XIRP2: variants seen among roughly 807,000 people sequenced by gnomAD.
The protein encoded by XIRP2 is xin actin-binding repeat-containing protein 2.
In XIRP2, 236 loss-of-function variants were observed where a neutral mutation model predicts 277.0. The ratio of observed to expected loss-of-function variants is 0.85; its 90% CI spans 0.77 to 0.95. XIRP2 has a LOEUF of 0.95. Ranked by LOEUF, XIRP2 falls within the 40% of genes least tolerant of loss-of-function variation. The pLI, the probability that XIRP2 is intolerant of heterozygous loss-of-function variation, is 0.00. For synonymous variants in XIRP2, 1,490 were observed against 1,416.5 expected (o/e 1.05, Z -1.17); for missense variants, 4,640 against 4,157.5 (o/e 1.12, Z -3.19).
intron 2 of XIRP2, among the ~76,000 whole-genome samples, chr2:167,012,797 G>C (rs1429224860): frequency 6.6e-6 from 1 of 151,380 alleles, no homozygotes; most frequent in Non-Finnish European, 1.5e-5. Flanking sequence ...CCTATGTTTT[G>C]AAATCTAACT....
chr2:167,032,384 C>T (rs538240549), intron 2 of XIRP2, among the ~76,000 whole-genome samples: 94 of 152,144 alleles, frequency 6.2e-4, no homozygotes, highest in Non-Finnish European at 7.4e-4. Context: ...AGGACATAAG[C>T]GTGGGCAAAG....
At chr2:166,951,438 A>G (rs953940163) in intron 2 of XIRP2, among the ~76,000 whole-genome samples, 1 of 151,718 alleles carries the variant, frequency 6.6e-6, no homozygotes, top group Non-Finnish European at 1.5e-5. Flanking sequence ...AGGGGAGAGG[A>G]GGTTCCACAC....
In XIRP2 at chr2:167,246,216, A is replaced by G. The variant is rs1326208738; in HGVS notation, c.4824A>G (p.Ile1608Met). 6.2e-7 allele frequency: 1 copy of G among 1,613,254 alleles called. No individual in the cohort carries two copies. The highest frequency in any genetic ancestry group is 1.1e-5 in the South Asian group (1 of 90,942). ...TTATCAGGGCTGATCTCAGAAATAT[A>G]ATGGTGAACCTACTTTCCAAAAGGG... Reference protein sequence around the residue: ...EEIIRADLRNIMVNLLSKRDC... With the variant: ...EEIIRADLRNMMVNLLSKRDC... Residue 1608 changes from isoleucine (I) to methionine (M), a missense_variant, in exon 9 of 11, where the codon ATA becomes ATG. By Grantham distance (10) the Ile-to-Met change is conservative (BLOSUM62 1). Transcript: ENST00000409195.
intron 2 of XIRP2, among the ~76,000 whole-genome samples, chr2:167,065,737 A>C (rs1319235080): frequency 6.6e-6 from 1 of 151,868 alleles, no homozygotes; most frequent in Non-Finnish European, 1.5e-5. Flanking sequence ...CTTCTGCCTA[A>C]AGAACTTTCT....
chr2:166,944,547 G>C (rs1685801987), intron 2 of XIRP2, among the ~76,000 whole-genome samples: 1 of 152,192 alleles, frequency 6.6e-6, no homozygotes, highest in Non-Finnish European at 1.5e-5. Context: ...GCAGATGAGA[G>C]CCCAAGAGGT....
At chr2:167,167,238 G>T (rs1050974327) in intron 3 of XIRP2, among the ~76,000 whole-genome samples, 1 of 151,810 alleles carries the variant, frequency 6.6e-6, no homozygotes, top group African/African-American at 2.4e-5. Flanking sequence ...TTTAAAGTGG[G>T]TTTCTTGTAG....
At chr2:167,191,935 C>T (rs1322359323) in intron 3 of XIRP2, among the ~76,000 whole-genome samples, 1 of 151,970 alleles carries the variant, frequency 6.6e-6, no homozygotes, top group East Asian at 1.9e-4. Context: ...GGAAGTTTCT[C>T]TGTTATTCAA....
intron 2 of XIRP2, among the ~76,000 whole-genome samples, chr2:167,034,785 T>C (rs1448674114): frequency 6.6e-6 from 1 of 152,290 alleles, no homozygotes; most frequent in Admixed American, 6.5e-5. Flanking sequence ...CCAGATAATA[T>C]AGCAAATATT....
intron 1 of XIRP2, among the ~76,000 whole-genome samples, chr2:166,890,284 T>C (rs896577393): frequency 1.3e-5 from 2 of 152,068 alleles, no homozygotes; most frequent in Admixed American, 1.3e-4. Flanking sequence ...TGAGCCACCG[T>C]GCCTGGCCCC....
intron 2 of XIRP2, among the ~76,000 whole-genome samples, chr2:167,120,043 A>T (rs1691010462): frequency 6.6e-6 from 1 of 152,080 alleles, no homozygotes; most frequent in South Asian, 2.1e-4. Context: ...ATAGAGCGCT[A>T]GTACTTCCAC....
chr2:167,241,303 G>T (rs1368622025), intron 7 of XIRP2, among the ~76,000 whole-genome samples: 1 of 151,120 alleles, frequency 6.6e-6, no homozygotes, highest in East Asian at 1.9e-4. Context: ...TCTTTATTTT[G>T]ATTTTGTTGC....
chr2:166,915,325 AAAAG>A (rs1202944108), intron 2 of XIRP2, among the ~76,000 whole-genome samples: 2 of 151,388 alleles, frequency 1.3e-5, no homozygotes, highest in Admixed American at 6.6e-5. Flanking sequence ...AAAAAAAAGA[AAAAG>A]AAATATTATA....
chr2:166,896,694 T>G (rs1308998217), intron 1 of XIRP2, among the ~76,000 whole-genome samples: 1 of 152,096 alleles, frequency 6.6e-6, no homozygotes, highest in African/African-American at 2.4e-5. Flanking sequence ...TTTTATAAAT[T>G]TAATGTCACC....
intron 2 of XIRP2, among the ~76,000 whole-genome samples, chr2:167,051,886 T>A (rs997359213): frequency 6.6e-6 from 1 of 152,142 alleles, no homozygotes; most frequent in Non-Finnish European, 1.5e-5. Flanking sequence ...ACATTAAATA[T>A]GAAACTGAAC....
chr2:167,088,777 C>A (rs183112459), intron 2 of XIRP2, among the ~76,000 whole-genome samples: 2 of 152,174 alleles, frequency 1.3e-5, no homozygotes, highest in Non-Finnish European at 2.9e-5. Flanking sequence ...CTTCCCTATA[C>A]TTTATCCCAG....
At chr2:166,934,091 G>C (rs1020063349) in intron 2 of XIRP2, among the ~76,000 whole-genome samples, 1 of 151,360 alleles carries the variant, frequency 6.6e-6, no homozygotes, top group African/African-American at 2.4e-5. Context: ...AGTAAGGGTG[G>C]GGCCTTCTTC....
At chr2:166,983,982 C>T (rs1273090455) in intron 2 of XIRP2, among the ~76,000 whole-genome samples, 2 of 152,126 alleles carry the variant, frequency 1.3e-5, no homozygotes, top group African/African-American at 2.4e-5. Flanking sequence ...TCATGTCTCT[C>T]ACCAAAGAAA....
At chr2:167,239,272 C>T (rs1694986975) in intron 5 of XIRP2, among the ~76,000 whole-genome samples, 1 of 152,106 alleles carries the variant, frequency 6.6e-6, no homozygotes, top group Admixed American at 6.5e-5. Context: ...CTAAGTGTAG[C>T]AGGCAGAATA....
chr2:166,964,289 TTAATG>T (rs1188094921), intron 2 of XIRP2, among the ~76,000 whole-genome samples: 1 of 151,840 alleles, frequency 6.6e-6, no homozygotes, highest in Admixed American at 6.6e-5. Context: ...TGTCATTGCT[TTAATG>T]TATAGGCAAA....
Sources: allele counts gnomAD v4.1 joint callset (sites outside exome capture counted in the v4.1 genomes callset), GRCh38; gene constraint gnomAD v4.1.1; transcripts MANE v1.5; gene names NCBI Gene and HGNC (gene_info 2026-07-23, HGNC 2026-07-21).